GALNT2: variants seen among roughly 807,000 people sequenced by gnomAD.
GALNT2 encodes the protein UDP-GalNAc:polypeptide N-acetylgalactosaminyltransferase 2.
GALNT2 carries 31 observed loss-of-function variants against 81.4 expected under a neutral mutation model. The ratio of observed to expected loss-of-function variants is 0.38; its 90% CI spans 0.29 to 0.51. GALNT2 has a LOEUF of 0.51. Among genes scored for constraint, GALNT2 ranks in the 20% least tolerant of loss-of-function variants. GALNT2 has a pLI of 0.87. For synonymous variants in GALNT2, 303 were observed against 287.4 expected (o/e 1.05, Z -0.55); for missense variants, 629 against 765.7 (o/e 0.82, Z 2.11).
Position 230,257,232 on chromosome 1 carries a change from G to C in GALNT2, c.1136+1888G>C, listed in dbSNP as rs904149412. ...TCTGTTTTATGCTTTGGAAAGGTCC[G>C]TATGGTTGCTGGGCAGAGGGTGGCC... On this transcript the variant is annotated intron_variant, in intron 11 of 15. Coordinates refer to ENST00000366672, the MANE Select transcript of GALNT2 (RefSeq NM_004481.5). The surrounding 1 kb of genome is among the most constrained non-coding windows in gnomAD (Gnocchi z 4.6). Among the ~76,000 whole-genome samples, 1 of 152,190 alleles carries C rather than the reference G, an allele frequency of 6.6e-6. No individual in the cohort carries two copies. Among genetic ancestry groups the C allele is most frequent in the East Asian group, 1.9e-4 (1 of 5,196 alleles).
chr1:230,083,465 C>G (rs1310512718), intron 1 of GALNT2, among the ~76,000 whole-genome samples: 7 of 135,050 alleles, frequency 5.2e-5, no homozygotes, highest in Non-Finnish European at 8.0e-5. Context: ...TTGGAGCAGA[C>G]AGTTGGGATG....
At chr1:230,128,561 G>A (rs1376540841) in intron 1 of GALNT2, among the ~76,000 whole-genome samples, 3 of 149,756 alleles carry the variant, frequency 2.0e-5, no homozygotes, top group African/African-American at 7.4e-5. Flanking sequence ...GGGAGGTAAG[G>A]GAGAAAGTAA....
intron 13 of GALNT2, chr1:230,264,159 G>C (rs922904488): frequency 6.6e-6 from 1 of 152,302 alleles, no homozygotes; most frequent in Non-Finnish European, 1.5e-5. Context: ...GCAGGGCCCT[G>C]GTCTTCTTCC....
At chr1:230,140,175 A>G (rs571616597) in intron 1 of GALNT2, among the ~76,000 whole-genome samples, 1 of 152,106 alleles carries the variant, frequency 6.6e-6, no homozygotes, top group South Asian at 2.1e-4. Context: ...TGGCCAGCTC[A>G]CCTCTGCCTG....
chr1:230,062,970 T>G (rs1350762827), upstream of GALNT2, among the ~76,000 whole-genome samples: 1 of 152,184 alleles, frequency 6.6e-6, no homozygotes, highest in African/African-American at 2.4e-5. Flanking sequence ...GGTTCCAATT[T>G]CTCTACATCC....
At position 230,257,953 on chromosome 1, in the gene GALNT2, T is replaced by A. The variant is rs1391986513; in HGVS notation, c.1136+2609T>A. 1.3e-5 allele frequency among the ~76,000 whole-genome samples: 2 copies of A among 152,218 alleles called. No individual in the cohort carries two copies. The highest frequency in any genetic ancestry group is 4.8e-5 in the African/African-American group (2 of 41,458). On this transcript the variant is annotated intron_variant, in intron 11 of 15. Transcript: ENST00000366672. This position sits in a 1 kb window ranked among gnomAD's most constrained non-coding sequence, Gnocchi z 4.6. ...TTCTTGAGACAGAGTCTTGCTCTGTTGCCCAGGCTGGAGTGCAAAGGTGCG... is the reference window on the plus strand; with the variant it reads ...TTCTTGAGACAGAGTCTTGCTCTGTAGCCCAGGCTGGAGTGCAAAGGTGCG...
intron 1 of GALNT2, among the ~76,000 whole-genome samples, chr1:230,108,585 G>A (rs938898228): frequency 6.6e-6 from 1 of 152,234 alleles, no homozygotes; most frequent in Non-Finnish European, 1.5e-5. Flanking sequence ...TCATGTCCCA[G>A]TAAAGACACT....
At chr1:230,200,942 G>C (rs1307850239) in intron 2 of GALNT2, among the ~76,000 whole-genome samples, 2 of 152,206 alleles carry the variant, frequency 1.3e-5, no homozygotes, top group Admixed American at 1.3e-4. Context: ...AGGTGCTGCT[G>C]GTTTAGATTT....
At chr1:230,189,714 A>T (rs1168479485) in intron 2 of GALNT2, among the ~76,000 whole-genome samples, 5 of 152,216 alleles carry the variant, frequency 3.3e-5, no homozygotes, top group Admixed American at 3.3e-4. Context: ...CGTGGCATTA[A>T]GCGCATTCAC....
chr1:230,087,444 A>G (rs1050428542), intron 1 of GALNT2, among the ~76,000 whole-genome samples: 1 of 152,140 alleles, frequency 6.6e-6, no homozygotes, highest in Non-Finnish European at 1.5e-5. Context: ...TTTCCTTGCC[A>G]TCTGTCTTTC....
At chr1:230,148,474 C>T (rs922904093) in intron 1 of GALNT2, among the ~76,000 whole-genome samples, 11 of 152,244 alleles carry the variant, frequency 7.2e-5, no homozygotes, top group Non-Finnish European at 1.3e-4. Flanking sequence ...TGCTCTCTGT[C>T]CTTGCTGCAG....
At chr1:230,265,174 A>AGGGGCTGGTGGACG in intron 13 of GALNT2, 67 bp from the exon 14 acceptor site, 1 of 1,608,638 alleles carries the variant, frequency 6.2e-7, no homozygotes, top group Non-Finnish European at 8.5e-7. Context: ...CACTGAGCAA[A>AGGGGCTGGTGGACG]GGGGCTGGTG....
rs1471554514 is a variant in GALNT2, at chr1:230,067,380, G to C, written c.100G>C (p.Gly34Arg). 1 of 1,285,814 alleles carries C rather than the reference G, an allele frequency of 7.8e-7. No homozygotes were observed. The highest frequency in any genetic ancestry group is 3.4e-5 in the East Asian group (1 of 29,282). 79.7% of individuals were successfully genotyped at this position (1,285,814 alleles called of 1,614,324 possible). The change falls in exon 1 of 16, where the codon GGC becomes CGC. Residue 34 changes from glycine to arginine, a missense_variant. Physicochemically the swap from Gly to Arg is moderately radical, Grantham distance 125. Coordinates refer to ENST00000366672, the MANE Select transcript of GALNT2 (RefSeq NM_004481.5). ...YSGGGSALAG[G>R]AGGGAGRKED... Reference sequence around the variant, plus strand: ...GGGGGGCGGCTCTGCGCTGGCCGGGGGCGCGGGCGGCGGCGCCGGCAGGAA... The same window carrying C: ...GGGGGGCGGCTCTGCGCTGGCCGGGCGCGCGGGCGGCGGCGCCGGCAGGAA...
chr1:230,143,637 G>T (rs1661820945), intron 1 of GALNT2, among the ~76,000 whole-genome samples: 1 of 152,234 alleles, frequency 6.6e-6, no homozygotes, highest in Non-Finnish European at 1.5e-5. Flanking sequence ...TACGCAGCAT[G>T]TTGCTTTTCA....
At chr1:230,142,741 T>G (rs78428815) in intron 1 of GALNT2, among the ~76,000 whole-genome samples, 6,730 of 152,300 alleles carry the variant, frequency 0.044, 602 homozygotes, top group East Asian at 0.41. Flanking sequence ...GCTCATTTGC[T>G]GAATGCTGTC....
chr1:230,183,412 A>T (rs957842816), intron 2 of GALNT2, among the ~76,000 whole-genome samples: 1 of 151,660 alleles, frequency 6.6e-6, no homozygotes, highest in Non-Finnish European at 1.5e-5. Context: ...GTATGATCCC[A>T]TTTTCTCTCT....
chr1:230,223,620 G>A (rs549151738), intron 3 of GALNT2, among the ~76,000 whole-genome samples: 22 of 152,116 alleles, frequency 1.4e-4, no homozygotes, highest in Admixed American at 4.6e-4. Context: ...ACAGGCACCC[G>A]CCATCACACC....
chr1:230,148,160 C>T (rs578219527), intron 1 of GALNT2, among the ~76,000 whole-genome samples: 99 of 152,330 alleles, frequency 6.5e-4, no homozygotes, highest in African/African-American at 2.3e-3. Context: ...AAGACAGTGG[C>T]GCTGCGTGGC....
At chr1:230,233,840 T>C (rs1254761215) in intron 3 of GALNT2, among the ~76,000 whole-genome samples, 1 of 152,176 alleles carries the variant, frequency 6.6e-6, no homozygotes, top group East Asian at 1.9e-4. Flanking sequence ...GCTTAAATAC[T>C]CTCTGCATAG....
Sources: allele counts gnomAD v4.1 joint callset (sites outside exome capture counted in the v4.1 genomes callset), GRCh38; gene constraint gnomAD v4.1.1; non-coding constraint Gnocchi (gnomAD v3.1); transcripts MANE v1.5; gene names NCBI Gene and HGNC (gene_info 2026-07-23, HGNC 2026-07-21).